Variants in FGF14 observed in about 807,000 individuals in gnomAD.
The protein encoded by FGF14 is fibroblast growth factor homologous factor 4.
Under a neutral mutation model 25.5 loss-of-function variants are expected in FGF14, and 5 were observed. That is an observed-to-expected ratio of 0.20 (90% CI 0.10 to 0.41). FGF14 has a LOEUF of 0.41. Among genes scored for constraint, FGF14 ranks in the 10% least tolerant of loss-of-function variants. The pLI is 1.00. For synonymous variants in FGF14, 138 were observed against 118.3 expected (o/e 1.17, Z -1.08); for missense variants, 222 against 320.1 (o/e 0.69, Z 2.34).
chr13:102,130,480 A>G (rs2046148740), intron 1 of FGF14, among the ~76,000 whole-genome samples: 1 of 152,156 alleles, frequency 6.6e-6, no homozygotes, highest in South Asian at 2.1e-4. Flanking sequence ...TTGTGATTAC[A>G]TTGGGTCCAC....
chr13:102,218,373 C>T (rs755486860), intron 1 of FGF14, among the ~76,000 whole-genome samples: 1 of 151,982 alleles, frequency 6.6e-6, no homozygotes, highest in African/African-American at 2.4e-5. Flanking sequence ...ACCTGCAGCA[C>T]GTGGGAGAGC....
At chr13:101,807,867 ATT>A (rs760218813) in intron 3 of FGF14, among the ~76,000 whole-genome samples, 12 of 152,080 alleles carry the variant, frequency 7.9e-5, no homozygotes, top group African/African-American at 1.4e-4. Context: ...ATAACATGTC[ATT>A]GAAGTAAGAA....
chr13:102,269,344 G>A (rs2053139403), intron 1 of FGF14, among the ~76,000 whole-genome samples: 1 of 152,146 alleles, frequency 6.6e-6, no homozygotes, highest in African/African-American at 2.4e-5. Context: ...GCAGATTGGG[G>A]AAGACCATAA....
At chr13:101,916,963 G>A (rs2033583120), upstream of FGF14, among the ~76,000 whole-genome samples, 1 of 151,914 alleles carries the variant, frequency 6.6e-6, no homozygotes, top group East Asian at 1.9e-4. Flanking sequence ...GCTGGTCACC[G>A]CTCGTCGCAG....
At chr13:102,101,282 TGG>T (rs2044651821) in intron 1 of FGF14, among the ~76,000 whole-genome samples, 1 of 152,208 alleles carries the variant, frequency 6.6e-6, no homozygotes, top group East Asian at 1.9e-4. Flanking sequence ...AATTGTTATT[TGG>T]GAACATTATG....
At chr13:102,113,033 G>A (rs994793036) in intron 1 of FGF14, among the ~76,000 whole-genome samples, 1 of 152,208 alleles carries the variant, frequency 6.6e-6, no homozygotes, top group Non-Finnish European at 1.5e-5. Flanking sequence ...ACTTAAATCA[G>A]AAGTTGATCT....
At chr13:101,853,396 T>C (rs1220936823) in intron 3 of FGF14, among the ~76,000 whole-genome samples, 1 of 152,086 alleles carries the variant, frequency 6.6e-6, no homozygotes, top group African/African-American at 2.4e-5. Context: ...AATAATAATA[T>C]ACATATCTGA....
intron 1 of FGF14, among the ~76,000 whole-genome samples, chr13:102,397,954 A>G (rs925808559): frequency 6.6e-6 from 1 of 151,984 alleles, no homozygotes; most frequent in Non-Finnish European, 1.5e-5. Context: ...AAGTTGAAGC[A>G]GGTAACATTT....
intron 1 of FGF14, among the ~76,000 whole-genome samples, chr13:101,942,966 G>A (rs1436303028): frequency 6.6e-6 from 1 of 152,198 alleles, no homozygotes. Flanking sequence ...ACCAGGCAGT[G>A]GGCTCAAAAT....
chr13:101,949,649 T>TC (rs1408764944), intron 1 of FGF14, among the ~76,000 whole-genome samples: 13 of 152,178 alleles, frequency 8.5e-5, no homozygotes, highest in African/African-American at 2.7e-4. Flanking sequence ...GCCTATATTT[T>TC]CCCCAGAAAG....
At chr13:102,076,761 C>A (rs1287236534) in intron 1 of FGF14, among the ~76,000 whole-genome samples, 1 of 151,898 alleles carries the variant, frequency 6.6e-6, no homozygotes, top group Non-Finnish European at 1.5e-5. Flanking sequence ...ACAGAAATAT[C>A]CAAAAAAAAT....
At chr13:101,942,631 G>C (rs182415153) in intron 1 of FGF14, among the ~76,000 whole-genome samples, 1 of 152,082 alleles carries the variant, frequency 6.6e-6, no homozygotes, top group Non-Finnish European at 1.5e-5. Context: ...CATCAGTTCT[G>C]GCTTCCTAGG....
At chr13:102,116,413 T>G (rs2045473696) in intron 1 of FGF14, among the ~76,000 whole-genome samples, 1 of 152,032 alleles carries the variant, frequency 6.6e-6, no homozygotes, top group Non-Finnish European at 1.5e-5. Flanking sequence ...CGTATAGGAG[T>G]ATATTCTATA....
chr13:102,097,415 A>G (rs1406670226), intron 1 of FGF14, among the ~76,000 whole-genome samples: 1 of 152,176 alleles, frequency 6.6e-6, no homozygotes, highest in Non-Finnish European at 1.5e-5. Flanking sequence ...ATGCTTTTAG[A>G]CAAATTTATG....
intron 1 of FGF14, among the ~76,000 whole-genome samples, chr13:101,974,726 C>T (rs2037817667): frequency 1.3e-5 from 2 of 152,080 alleles, no homozygotes; most frequent in South Asian, 2.1e-4. Flanking sequence ...AACAATCTCA[C>T]GGACAGTGGA....
At chr13:101,748,998 C>T (rs2037084589) in intron 3 of FGF14, among the ~76,000 whole-genome samples, 1 of 151,976 alleles carries the variant, frequency 6.6e-6, no homozygotes, top group African/African-American at 2.4e-5. Context: ...AGGAAGAATT[C>T]TGATACATGT....
intron 1 of FGF14, among the ~76,000 whole-genome samples, chr13:101,964,934 A>G (rs1317989386): frequency 1.3e-5 from 2 of 152,044 alleles, no homozygotes; most frequent in Non-Finnish European, 2.9e-5. Context: ...TGTGCATATT[A>G]TCTCCTTCAA....
chr13:102,275,237 T>TCC (rs2053459918), intron 1 of FGF14, among the ~76,000 whole-genome samples: 1 of 89,836 alleles, frequency 1.1e-5, no homozygotes, highest in East Asian at 4.2e-4. Context: ...GGCAGATTTC[T>TCC]CTCTCTCTCT....
intron 1 of FGF14, among the ~76,000 whole-genome samples, chr13:102,237,460 C>A (rs2051381094): frequency 6.6e-6 from 1 of 152,170 alleles, no homozygotes; most frequent in Admixed American, 6.5e-5. Flanking sequence ...GCATGCCCAG[C>A]CCCTTGAGGA....
Sources: allele counts gnomAD v4.1 joint callset (sites outside exome capture counted in the v4.1 genomes callset), GRCh38; gene constraint gnomAD v4.1.1; transcripts MANE v1.5; gene names NCBI Gene and HGNC (gene_info 2026-07-23, HGNC 2026-07-21).